The following C1orf54 variants were observed in gnomAD, a reference collection of about 807,000 sequenced individuals.
C1orf54 encodes the protein chromosome 1 open reading frame 54.
In C1orf54, 12 loss-of-function variants were observed where a neutral mutation model predicts 14.7. That is an observed-to-expected ratio of 0.82 (90% CI 0.52 to 1.32). The LOEUF is 1.32. C1orf54 is among the 40% of genes most tolerant of loss of function. The probability of loss-of-function intolerance (pLI) is 0.00; values close to 1 mark genes in which losing one functional copy is unlikely to be tolerated. For synonymous variants in C1orf54, 65 were observed against 56.3 expected, an observed-to-expected ratio of 1.16 and a Z score of -0.70; for missense variants, 163 against 162.2, an observed-to-expected ratio of 1.00 and a Z score of -0.03.
upstream of C1orf54, chr1:150,272,761 G>C (rs1410677500): frequency 6.3e-7 from 1 of 1,585,552 alleles, no homozygotes; most frequent in African/African-American, 1.3e-5. Flanking sequence ...GGGTAAGTTT[G>C]GTGGGAAACT....
At chr1:150,280,510 AGAGTC>A (rs1652999147) in intron 5 of C1orf54, among the ~76,000 whole-genome samples, 1 of 152,254 alleles carries the variant, frequency 6.6e-6, no homozygotes, top group Admixed American at 6.5e-5. Flanking sequence ...ACAACCTGGT[AGAGTC>A]AAGAGGCAAA....
upstream of C1orf54, chr1:150,272,749 C>T (rs982981474): frequency 6.2e-5 from 95 of 1,528,264 alleles, no homozygotes; most frequent in South Asian, 2.4e-4. Flanking sequence ...GGAGGGGAGG[C>T]GGGGTAAGTT....
intron 4 of C1orf54, among the ~76,000 whole-genome samples, chr1:150,279,052 C>CCTCAG (rs1652894505): frequency 6.6e-6 from 1 of 152,200 alleles, no homozygotes; most frequent in Non-Finnish European, 1.5e-5. Flanking sequence ...GGGCGGATCA[C>CCTCAG]CTGAGGTCAG....
chr1:150,271,257 C>T (rs1458015264), upstream of C1orf54, among the ~76,000 whole-genome samples: 1 of 151,842 alleles, frequency 6.6e-6, no homozygotes, highest in Admixed American at 6.6e-5. Flanking sequence ...GGATTACTGG[C>T]GCCTGCCACC....
chr1:150,272,974 A>G (rs879964146), intron 1 of C1orf54, 111 bp downstream of exon 1: 35 of 1,222,614 alleles, frequency 2.9e-5, no homozygotes, highest in Admixed American at 2.3e-4. Flanking sequence ...GGAGCGATAG[A>G]GTTTTCTCAT....
intron 4 of C1orf54, among the ~76,000 whole-genome samples, chr1:150,277,428 G>A (rs773577641): frequency 2.5e-4 from 38 of 149,870 alleles, no homozygotes; most frequent in South Asian, 4.2e-4. Context: ...ACTTGAACCC[G>A]GGAGGCAGAG....
intron 5 of C1orf54, among the ~76,000 whole-genome samples, chr1:150,280,513 G>A (rs1000163033): frequency 4.6e-5 from 7 of 152,248 alleles, no homozygotes; most frequent in African/African-American, 1.7e-4. Flanking sequence ...ACCTGGTAGA[G>A]TCAAGAGGCA....
upstream of C1orf54, chr1:150,268,988 G>A (rs200984615): frequency 8.8e-6 from 5 of 570,052 alleles, no homozygotes; most frequent in East Asian, 5.9e-5. Context: ...ATGAAGGTCC[G>A]CGCCACTTCC....
chr1:150,271,778 C>T (rs909382072), upstream of C1orf54, among the ~76,000 whole-genome samples: 2 of 152,190 alleles, frequency 1.3e-5, no homozygotes, highest in South Asian at 2.1e-4. Context: ...AGGTGTGGCA[C>T]CTGTAGCAGG....
chr1:150,279,146 C>T (rs1016522533), intron 4 of C1orf54, among the ~76,000 whole-genome samples: 1 of 152,188 alleles, frequency 6.6e-6, no homozygotes, highest in Non-Finnish European at 1.5e-5. Context: ...TGGCGGGTGC[C>T]TGTAATCTCA....
At chr1:150,275,979 A>T (rs1382328957) in intron 3 of C1orf54, among the ~76,000 whole-genome samples, 180 bp downstream of exon 3, 2 of 152,180 alleles carry the variant, frequency 1.3e-5, no homozygotes, top group African/African-American at 4.8e-5. Flanking sequence ...TCTACTAAAA[A>T]TACAAAAACA....
upstream of C1orf54, chr1:150,269,065 A>C: frequency 2.4e-6 from 1 of 420,412 alleles, no homozygotes; most frequent in Non-Finnish European, 4.5e-6. Context: ...TCTAATCCCC[A>C]CCCCCGGAAG....
At position 150,272,991 on chromosome 1, in the gene C1orf54, G is replaced by C. The variant is rs1652328831; in HGVS notation, c.46+128G>C. 3 of 1,075,158 alleles carry C rather than the reference G, an allele frequency of 2.8e-6. No homozygotes were observed. The East Asian group carries it at 7.2e-5, about 26-fold the overall frequency. 66.6% of individuals were successfully genotyped at this position (1,075,158 alleles called of 1,614,324 possible). A position where few individuals can be genotyped will look rare whatever the true frequency, so the allele number is the denominator to read the frequency against. On this transcript the variant is annotated intron_variant, in intron 1 of 5. Coordinates refer to ENST00000369099, the MANE Select transcript of C1orf54 (RefSeq NM_024579.4). The stretch of plus-strand genomic sequence containing the variant: ...AGCGATAGAGTTTTCTCATCGTGCT[G>C]GGGTCCGGTGTTGAGGGCAGAATGG...
At chr1:150,272,998 G>T in intron 1 of C1orf54, 135 bp downstream of exon 1, 1 of 979,158 alleles carries the variant, frequency 1.0e-6, no homozygotes, top group Non-Finnish European at 1.6e-6. Flanking sequence ...GCTGGGGTCC[G>T]GTGTTGAGGG....
upstream of C1orf54, chr1:150,268,800 G>A (rs201630308): frequency 5.6e-6 from 9 of 1,613,104 alleles, no homozygotes; most frequent in South Asian, 1.1e-5. Flanking sequence ...GAAAAACACC[G>A]CAGCCCCCAT....
At chr1:150,272,624 C>T (rs1300257838), upstream of C1orf54, 1 of 612,326 alleles carries the variant, frequency 1.6e-6, no homozygotes, top group Non-Finnish European at 2.9e-6. Flanking sequence ...TCAATCTGGG[C>T]AGCTCTGGCT....
At chr1:150,274,992 T>C (rs1328655164) in intron 2 of C1orf54, among the ~76,000 whole-genome samples, 1 of 151,006 alleles carries the variant, frequency 6.6e-6, no homozygotes, top group Non-Finnish European at 1.5e-5. Context: ...AGCCCAGGAG[T>C]TCAAGACCAC....
intron 5 of C1orf54, among the ~76,000 whole-genome samples, chr1:150,280,243 G>T (rs141605448): frequency 1.3e-5 from 2 of 152,282 alleles, no homozygotes; most frequent in Non-Finnish European, 2.9e-5. Flanking sequence ...CAAGTAAAAT[G>T]AAAGAAGAGG....
At chr1:150,268,891 G>A, upstream of C1orf54, 1 of 1,319,136 alleles carries the variant, frequency 7.6e-7, no homozygotes. Flanking sequence ...GAGTCCGCGT[G>A]GGGTGGCAAC....
Sources: gnomAD v4.1 joint callset for allele counts (sites outside exome capture counted in the v4.1 genomes callset) on GRCh38, gnomAD v4.1.1 for gene constraint, MANE v1.5 for transcripts, NCBI Gene and HGNC (gene_info 2026-07-23, HGNC 2026-07-21) for gene names.